WWTR1: variants seen among roughly 807,000 people sequenced by gnomAD.
The protein encoded by WWTR1 is WW domain-containing transcription regulator protein 1.
A neutral mutation model predicts 40.1 loss-of-function variants in WWTR1; 13 were observed. The ratio of observed to expected loss-of-function variants is 0.32; its 90% CI spans 0.21 to 0.52. The LOEUF is 0.52. Among genes scored for constraint, WWTR1 ranks in the 20% least tolerant of loss-of-function variants. The pLI, the probability that WWTR1 is intolerant of heterozygous loss-of-function variation, is 0.97. For synonymous variants in WWTR1, 230 were observed against 210.1 expected, an observed-to-expected ratio of 1.09 and a Z score of -0.82; for missense variants, 436 against 523.1, an observed-to-expected ratio of 0.83 and a Z score of 1.63.
chr3:149,655,498 T>C (rs2108160094), intron 2 of WWTR1, among the ~76,000 whole-genome samples: 1 of 152,328 alleles, frequency 6.6e-6, no homozygotes. Context: ...TATTACATCA[T>C]ATTCTTGACT....
At position 149,526,022 on chromosome 3, in the gene WWTR1, T is replaced by C. The variant is rs1735288358; in HGVS notation, c.1009A>G (p.Met337Val). ...CAGGCTTTGCTCCTACCTGTATCCA[T>C]CTCATCCACATTGCTGAGGAAGTCC... Reference protein sequence around the residue: ...PEDFLSNVDEMDTGENAGQTP... With the variant: ...PEDFLSNVDEVDTGENAGQTP... The change falls in exon 6 of 7, where the codon ATG becomes GTG. Residue 337 changes from methionine (M) to valine (V), a missense_variant. Physicochemically the swap from Met to Val is conservative, Grantham distance 21. Transcript: ENST00000360632. 1 of 1,600,420 alleles carries C rather than the reference T, an allele frequency of 6.2e-7. No individual in the cohort carries two copies. Among genetic ancestry groups the C allele is most frequent in the Non-Finnish European group, 8.5e-7 (1 of 1,173,080 alleles).
intron 2 of WWTR1, chr3:149,576,129 TG>T: frequency 2.2e-6 from 1 of 456,646 alleles, no homozygotes. Flanking sequence ...CCCAAATTCC[TG>T]GCTCTGCAGA....
At chr3:149,574,203 T>A (rs1433952705) in intron 2 of WWTR1, among the ~76,000 whole-genome samples, 1 of 152,002 alleles carries the variant, frequency 6.6e-6, no homozygotes, top group African/African-American at 2.4e-5. Context: ...GCTCATTTTT[T>A]TTAAAAAATT....
At chr3:149,613,272 G>T (rs1018787753) in intron 2 of WWTR1, among the ~76,000 whole-genome samples, 1 of 152,196 alleles carries the variant, frequency 6.6e-6, no homozygotes, top group African/African-American at 2.4e-5. Context: ...ACACAGCTTA[G>T]GGGACTGGCC....
intron 2 of WWTR1, among the ~76,000 whole-genome samples, chr3:149,590,424 C>A (rs1318379607): frequency 2.0e-5 from 3 of 152,032 alleles, no homozygotes; most frequent in Non-Finnish European, 4.4e-5. Context: ...CCGAGGCAGG[C>A]GGGTCACCTG....
intron 2 of WWTR1, among the ~76,000 whole-genome samples, chr3:149,644,145 A>G (rs1712351209): frequency 6.6e-6 from 1 of 152,134 alleles, no homozygotes; most frequent in Non-Finnish European, 1.5e-5. Flanking sequence ...AGGCGCCACC[A>G]GCCCTGACAT....
chr3:149,558,919 C>T (rs557357517), intron 3 of WWTR1, among the ~76,000 whole-genome samples: 8 of 152,098 alleles, frequency 5.3e-5, no homozygotes, highest in East Asian at 1.9e-4. Flanking sequence ...CAACTGAAGA[C>T]ATTTCGAATC....
Position 149,551,578 on chromosome 3 carries a change from C to T in WWTR1, c.569-9041G>A, listed in dbSNP as rs183515894. 2.1e-5 allele frequency among the ~76,000 whole-genome samples: 3 copies of T among 145,724 alleles called. 1 individual carries two copies. Among genetic ancestry groups the T allele is most frequent in the Non-Finnish European group, 4.5e-5 (3 of 66,336 alleles). ...CCAAAAGTTAGAATGCAAAGCTTTA[C>T]AATCACCTCATTCTCTTCTTCTCTG... On this transcript the variant is annotated intron_variant, in intron 3 of 6. Coordinates refer to ENST00000360632, the MANE Select transcript of WWTR1 (RefSeq NM_015472.6).
At chr3:149,562,230 G>A (rs1737115014) in intron 3 of WWTR1, among the ~76,000 whole-genome samples, 2 of 151,808 alleles carry the variant, frequency 1.3e-5, no homozygotes, top group Non-Finnish European at 2.9e-5. Flanking sequence ...GGGAGGCAGA[G>A]GTTGCAGTGA....
chr3:149,553,550 A>G (rs1045542301), intron 3 of WWTR1, among the ~76,000 whole-genome samples: 1 of 152,110 alleles, frequency 6.6e-6, no homozygotes, highest in Non-Finnish European at 1.5e-5. Context: ...AACTTTGAAA[A>G]CTCACATTTC....
intron 2 of WWTR1, among the ~76,000 whole-genome samples, chr3:149,643,632 C>T (rs932947264): frequency 3.3e-5 from 5 of 152,202 alleles, no homozygotes; most frequent in African/African-American, 9.6e-5. Context: ...AGTGTATTCA[C>T]ACCTTATCTA....
intron 1 of WWTR1, among the ~76,000 whole-genome samples, chr3:149,673,976 G>A (rs188127718): frequency 1.3e-4 from 19 of 150,962 alleles, no homozygotes; most frequent in Non-Finnish European, 2.4e-4. Context: ...CACTTTGGAA[G>A]GCTGAGGTGA....
intron 3 of WWTR1, among the ~76,000 whole-genome samples, chr3:149,549,926 T>C (rs1224101545): frequency 6.6e-6 from 1 of 152,064 alleles, no homozygotes; most frequent in Non-Finnish European, 1.5e-5. Context: ...AAAAAGATAT[T>C]AGATAAAAAC....
intron 3 of WWTR1, among the ~76,000 whole-genome samples, chr3:149,547,662 G>A (rs1001759749): frequency 1.3e-5 from 2 of 152,124 alleles, no homozygotes; most frequent in Non-Finnish European, 2.9e-5. Context: ...AGTCCCCCCA[G>A]AAAGGAATAA....
In WWTR1 at chr3:149,637,874, G is replaced by T. The variant is rs147634768; in HGVS notation, c.431+19002C>A. ...AGGACATTCTAGGCAAGTGAGAAAT[G>T]ACACACTACTCCTAATCAAAAGTGC... On this transcript the variant is annotated intron_variant, in intron 2 of 6. Coordinates refer to ENST00000360632, the MANE Select transcript of WWTR1 (RefSeq NM_015472.6). Among the ~76,000 whole-genome samples the T allele has an allele frequency of 3.9e-5, 6 of 152,256 alleles. No homozygotes were observed. In the East Asian group the frequency reaches 1.2e-3, roughly 29 times the overall value.
At position 149,542,327 on chromosome 3, in the gene WWTR1, A is replaced by G. The variant is rs1560051799; in HGVS notation, c.771+8T>C. 2.5e-6 allele frequency: 4 copies of G among 1,610,542 alleles called. No homozygotes were observed. The highest frequency in any genetic ancestry group is 3.4e-6 in the Non-Finnish European group (4 of 1,178,130). ...GGAGCCTCCACCAGACACCATGGAAAGCCATACCTGCCTCATGAGCTCCTC... is the reference window on the plus strand; with the variant it reads ...GGAGCCTCCACCAGACACCATGGAAGGCCATACCTGCCTCATGAGCTCCTC... On this transcript the variant is annotated splice_region_variant and intron_variant, in intron 4 of 6. Transcript: ENST00000360632.
chr3:149,665,228 T>A (rs533252875), intron 2 of WWTR1, among the ~76,000 whole-genome samples: 2 of 23,684 alleles, frequency 8.4e-5, no homozygotes, highest in Non-Finnish European at 2.1e-4. Flanking sequence ...CCTTTCTTTC[T>A]TTTTTTTTTT....
chr3:149,709,922 A>G (rs1011913881), intron 5 of WWTR1, among the ~76,000 whole-genome samples: 11 of 152,116 alleles, frequency 7.2e-5, no homozygotes, highest in Non-Finnish European at 1.6e-4. Context: ...AAAAGAAAAG[A>G]AAAGAACTAA....
At position 149,562,600 on chromosome 3, in the gene WWTR1, G is replaced by GACAC. The variant is rs60366789; in HGVS notation, c.568+10260_568+10263dup. Among the ~76,000 whole-genome samples, 619 of 135,874 alleles carry GACAC rather than the reference G, an allele frequency of 4.6e-3. 6 individuals carry two copies. Among genetic ancestry groups the GACAC allele is most frequent in the East Asian group, 0.016 (76 of 4,614 alleles). The allele number at this position is 135,874 out of a possible 152,430, so 89.1% of individuals were successfully genotyped here. On this transcript the variant is annotated intron_variant, in intron 3 of 6. Transcript: ENST00000360632. The stretch of plus-strand genomic sequence containing the variant: ...TTTTTTTTTTCTGCCTTAAAATACA[G>GACAC]ACACACACACACACACACACACACA...
Sources: allele counts gnomAD v4.1 joint callset (sites outside exome capture counted in the v4.1 genomes callset), GRCh38; gene constraint gnomAD v4.1.1; transcripts MANE v1.5; gene names NCBI Gene and HGNC (gene_info 2026-07-23, HGNC 2026-07-21).